Variants in TENM3 observed in about 807,000 individuals in gnomAD.
TENM3 encodes the protein teneurin-3.
In TENM3, 63 loss-of-function variants were observed where a neutral mutation model predicts 255.1. The observed-to-expected ratio is 0.25, with a 90% CI of 0.20 to 0.30. The LOEUF (loss-of-function observed/expected upper bound fraction) is 0.30. TENM3 is among the 10% of genes least tolerant of loss of function. TENM3 has a pLI of 1.00. For synonymous variants in TENM3, 1,306 were observed against 1,322.3 expected (o/e 0.99, Z 0.27); for missense variants, 2,929 against 3,461.1 (o/e 0.85, Z 3.86).
the TENM3 span, among the ~76,000 whole-genome samples, chr4:181,600,062 C>G: frequency 3.3e-5 from 5 of 152,172 alleles, no homozygotes; most frequent in African/African-American, 4.8e-5. Flanking sequence ...TGGTTATTTT[C>G]AGACTTATAC....
chr4:182,137,882 G>A, the TENM3 span, among the ~76,000 whole-genome samples: 1 of 152,192 alleles, frequency 6.6e-6, no homozygotes, highest in Non-Finnish European at 1.5e-5. Flanking sequence ...AGAAATAGGG[G>A]AAAGGAGCTA....
At chr4:181,727,609 G>A in the TENM3 span, among the ~76,000 whole-genome samples, 207 of 152,206 alleles carry the variant, frequency 1.4e-3, no homozygotes, top group African/African-American at 4.0e-3. Flanking sequence ...GAAAGCTGGC[G>A]TTTAGAATAT....
At chr4:181,585,960 G>T in the TENM3 span, among the ~76,000 whole-genome samples, 1 of 152,322 alleles carries the variant, frequency 6.6e-6, no homozygotes. Flanking sequence ...AGCCTAGAGC[G>T]TTGGAGGCTC....
intron 1 of TENM3, among the ~76,000 whole-genome samples, chr4:182,289,417 G>C (rs112949926): frequency 1.3e-5 from 2 of 152,198 alleles, no homozygotes; most frequent in East Asian, 3.8e-4. Flanking sequence ...AGCAGTGCAG[G>C]GCCCTGCCCT....
At chr4:182,129,902 A>G in the TENM3 span, among the ~76,000 whole-genome samples, 316 of 152,258 alleles carry the variant, frequency 2.1e-3, no homozygotes, top group African/African-American at 7.1e-3. Context: ...ACACATACAT[A>G]CACAAATACA....
the TENM3 span, among the ~76,000 whole-genome samples, chr4:181,470,032 AC>A: frequency 6.6e-6 from 1 of 150,988 alleles, no homozygotes; most frequent in East Asian, 2.0e-4. Flanking sequence ...TTCCTTCCCA[AC>A]ATGTGACTGT....
chr4:181,604,734 G>A, the TENM3 span, among the ~76,000 whole-genome samples: 16 of 147,752 alleles, frequency 1.1e-4, no homozygotes, highest in African/African-American at 3.9e-4. Context: ...CACCACGACT[G>A]TTTACCAAGA....
At chr4:182,195,353 CTT>C (rs1753777861) in intron 1 of TENM3, among the ~76,000 whole-genome samples, 1 of 152,068 alleles carries the variant, frequency 6.6e-6, no homozygotes. Flanking sequence ...TAAAGCATGA[CTT>C]TAAAAAATAT....
intron 5 of TENM3, among the ~76,000 whole-genome samples, chr4:182,640,728 G>C (rs1456115492): frequency 6.6e-6 from 1 of 152,196 alleles, no homozygotes; most frequent in Non-Finnish European, 1.5e-5. Flanking sequence ...CCAGGGATCA[G>C]AGACTGCAGC....
the TENM3 span, among the ~76,000 whole-genome samples, chr4:181,471,054 A>C: frequency 6.6e-6 from 1 of 152,280 alleles, no homozygotes; most frequent in South Asian, 2.1e-4. Flanking sequence ...GAGAACTTAA[A>C]CAGAACCAAT....
chr4:182,072,457 A>G, the TENM3 span, among the ~76,000 whole-genome samples: 2 of 152,180 alleles, frequency 1.3e-5, no homozygotes, highest in African/African-American at 4.8e-5. Context: ...TAGGCAGTGA[A>G]CAGCAGCTCT....
chr4:181,655,689 C>A, the TENM3 span, among the ~76,000 whole-genome samples: 1 of 151,962 alleles, frequency 6.6e-6, no homozygotes, highest in Non-Finnish European at 1.5e-5. Context: ...CCCATTAAGA[C>A]CTGAAGGGTA....
chr4:181,648,831 T>C, the TENM3 span, among the ~76,000 whole-genome samples: 8 of 152,082 alleles, frequency 5.3e-5, no homozygotes, highest in Admixed American at 1.3e-4. Context: ...ACCCATCAGA[T>C]GGAAATCTAG....
intron 3 of TENM3, among the ~76,000 whole-genome samples, chr4:182,539,637 T>C (rs1740668187): frequency 6.6e-6 from 1 of 152,212 alleles, no homozygotes; most frequent in Admixed American, 6.5e-5. Flanking sequence ...TCGAACGATA[T>C]TAAATTTTCG....
chr4:182,346,277 G>A (rs1332669654), intron 2 of TENM3, among the ~76,000 whole-genome samples: 1 of 152,098 alleles, frequency 6.6e-6, no homozygotes, highest in Non-Finnish European at 1.5e-5. Context: ...CTCGAGCCAG[G>A]ACACAGAAAA....
chr4:181,606,425 T>G, the TENM3 span, among the ~76,000 whole-genome samples: 6 of 152,192 alleles, frequency 3.9e-5, no homozygotes, highest in African/African-American at 7.2e-5. Context: ...TTCTCTTTGC[T>G]GAGAATGCCC....
At chr4:182,541,450 A>G (rs1480671040) in intron 3 of TENM3, among the ~76,000 whole-genome samples, 1 of 152,212 alleles carries the variant, frequency 6.6e-6, no homozygotes, top group Non-Finnish European at 1.5e-5. Context: ...AATATACTGA[A>G]TTGATTGTCT....
At chr4:181,553,299 AGTGTG>A in the TENM3 span, among the ~76,000 whole-genome samples, 9 of 86,166 alleles carry the variant, frequency 1.0e-4, no homozygotes, top group South Asian at 8.8e-4. Flanking sequence ...GTGTGTGTGT[AGTGTG>A]TGTGTATGTG....
intron 3 of TENM3, among the ~76,000 whole-genome samples, chr4:182,557,756 C>G (rs1464709851): frequency 6.6e-6 from 1 of 152,160 alleles, no homozygotes; most frequent in Non-Finnish European, 1.5e-5. Flanking sequence ...GCTGCACTGT[C>G]ACCAGCCCAG....
Sources: allele counts gnomAD v4.1 joint callset (sites outside exome capture counted in the v4.1 genomes callset), GRCh38; gene constraint gnomAD v4.1.1; transcripts MANE v1.5; gene names NCBI Gene and HGNC (gene_info 2026-07-23, HGNC 2026-07-21).